TTLL11: variants seen among roughly 807,000 people sequenced by gnomAD.
The protein encoded by TTLL11 is tubulin polyglutamylase TTLL11.
Under a neutral mutation model 51.7 loss-of-function variants are expected in TTLL11, and 42 were observed. The observed-to-expected ratio is 0.81, with a 90% CI of 0.64 to 1.05. The LOEUF is 1.05. Ranked by LOEUF, TTLL11 falls within the 50% of genes least tolerant of loss-of-function variation. The pLI is 0.00. For missense variants in TTLL11, 799 were observed against 940.4 expected, an observed-to-expected ratio of 0.85 and a Z score of 1.97; for synonymous variants, 381 against 383.5, an observed-to-expected ratio of 0.99 and a Z score of 0.08.
intron 6 of TTLL11, among the ~76,000 whole-genome samples, chr9:121,886,308 C>CT (rs1384396690): frequency 6.6e-6 from 1 of 152,182 alleles, no homozygotes; most frequent in South Asian, 2.1e-4. Flanking sequence ...TGAATGTGAC[C>CT]TTTTTTGGAA....
At position 121,817,907 on chromosome 9, in the gene TTLL11, T is replaced by C. The variant is rs1836456842; in HGVS notation, c.*4680A>G. On this transcript the variant is annotated 3_prime_UTR_variant, in exon 9 of 9. Coordinates refer to ENST00000321582, the MANE Select transcript of TTLL11 (RefSeq NM_001139442.2). ...TTGGTGGGTTGGATGGATCTAGAAGTGCTTTGTAAACTGTGAAGGATTGAG... is the reference window on the plus strand; with the variant it reads ...TTGGTGGGTTGGATGGATCTAGAAGCGCTTTGTAAACTGTGAAGGATTGAG... 1 of 152,222 alleles carries C rather than the reference T, an allele frequency of 6.6e-6. No homozygotes were observed. The allele number at this position is 152,222 out of a possible 1,614,324, so 9.4% of individuals were successfully genotyped here.
Position 121,822,690 on chromosome 9 carries a change from G to A in TTLL11, c.2030C>T (p.Pro677Leu), listed in dbSNP as rs1446657767. 1 of 1,548,648 alleles carries A rather than the reference G, an allele frequency of 6.5e-7. No homozygotes were observed. The highest frequency in any genetic ancestry group is 2.4e-5 in the East Asian group (1 of 40,866). ...PSGGRPPHRG[P>L]PQEPSPSAQP... is the part of the protein sequence containing the mutation. The stretch of plus-strand genomic sequence containing the variant: ...GGCCGAGGGGGAGGGCTCCTGGGGA[G>A]GGCCACGGTGTGGGGGCCGGCCCCC... Residue 677 changes from proline to leucine, a missense_variant, in exon 9 of 9, where the codon CCT becomes CTT. By Grantham distance (98) the Pro-to-Leu change is moderately conservative. Transcript: ENST00000321582. This position sits in a 1 kb window ranked among gnomAD's most constrained non-coding sequence, Gnocchi z 5.8.
At chr9:122,074,133 G>A (rs192992767) in intron 1 of TTLL11, among the ~76,000 whole-genome samples, 1 of 152,240 alleles carries the variant, frequency 6.6e-6, no homozygotes, top group Admixed American at 6.5e-5. Context: ...AATTAGCCAG[G>A]TGTGGTGGTG....
At chr9:121,898,315 C>G (rs1272161458) in intron 6 of TTLL11, among the ~76,000 whole-genome samples, 2 of 152,196 alleles carry the variant, frequency 1.3e-5, no homozygotes, top group Admixed American at 6.5e-5. Flanking sequence ...AAAAAGGAGG[C>G]TGGGGAGCCC....
At chr9:122,090,026 A>C (rs1172832539) in intron 1 of TTLL11, among the ~76,000 whole-genome samples, 1 of 151,802 alleles carries the variant, frequency 6.6e-6, no homozygotes, top group Non-Finnish European at 1.5e-5. Flanking sequence ...TGGGAAAAAA[A>C]GGGCAGGGTT....
chr9:121,940,127 A>T (rs1349501072), intron 6 of TTLL11, among the ~76,000 whole-genome samples: 2 of 152,138 alleles, frequency 1.3e-5, no homozygotes, highest in Non-Finnish European at 2.9e-5. Context: ...CAGGTCAAAC[A>T]TTTATCCAGT....
Position 121,974,912 on chromosome 9 carries a change from G to A in TTLL11, c.1337C>T (p.Pro446Leu). The change falls in exon 5 of 9, where the codon CCC (proline) becomes CTC (leucine). Residue 446 changes from proline to leucine, a missense_variant. Physicochemically the swap from Pro to Leu is moderately conservative, Grantham distance 98. This residue lies in a region of TTLL11 where 468 missense variants were observed against 612.8 expected (regional missense o/e 0.76). Coordinates refer to ENST00000321582, the MANE Select transcript of TTLL11 (RefSeq NM_001139442.2). ...KPILLEVNAN[P>L]SMRIEHEHEL... The stretch of plus-strand genomic sequence containing the variant: ...GTGCTCATGTTCGATTCTCATACTG[G>A]GATTTGCATTTACTTCAAGTAGTAT... 1 of 1,543,364 alleles carries A rather than the reference G, an allele frequency of 6.5e-7. No homozygotes were observed. The highest frequency in any genetic ancestry group is 8.7e-7 in the Non-Finnish European group (1 of 1,145,152).
intron 1 of TTLL11, among the ~76,000 whole-genome samples, chr9:122,065,072 C>T (rs997280247): frequency 2.6e-5 from 4 of 152,038 alleles, no homozygotes; most frequent in African/African-American, 9.7e-5. Context: ...AGAAGAATCA[C>T]GTAAAGGGGC....
At position 122,093,122 on chromosome 9, in the gene TTLL11, C is replaced by A; in HGVS notation, c.27G>T (p.Glu9Asp). MRRGSSES[E>D]LAARWEAEAV... ...CCTCCGCCTCCCACCGGGCCGCCAG[C>A]TCGCTCTCGGAGCTGCCCCGCCGCA... The change falls in exon 1 of 9, where the codon GAG becomes GAT. Residue 9 changes from glutamate (E) to aspartate (D), a missense_variant. By Grantham distance (45) the Glu-to-Asp change is conservative (BLOSUM62 2). This residue lies in a region of TTLL11 where 166 missense variants were observed against 161.6 expected (regional missense o/e 1.03). Coordinates refer to ENST00000321582, the MANE Select transcript of TTLL11 (RefSeq NM_001139442.2). 6.7e-7 allele frequency: 1 copy of A among 1,494,690 alleles called. No individual in the cohort carries two copies. The highest frequency in any genetic ancestry group is 8.9e-7 in the Non-Finnish European group (1 of 1,129,300). The allele number at this position is 1,494,690 out of a possible 1,614,324, so 92.6% of individuals were successfully genotyped here.
rs114042318 is a variant in TTLL11 at position 121,997,535 on chromosome 9, G to A, written c.694-7765C>T. ...ACTGCAGCTTCCCTTTACCTCCTCC[G>A]AGTCCACATACTGGGTGTCTGCAAG... On this transcript the variant is annotated intron_variant, in intron 3 of 8. Transcript: ENST00000321582. 3.0e-3 allele frequency among the ~76,000 whole-genome samples: 457 copies of A among 152,238 alleles called. 5 individuals carry two copies. The highest frequency in any genetic ancestry group is 0.011 in the African/African-American group (440 of 41,528).
chr9:122,023,876 C>G (rs2131787246), intron 3 of TTLL11, among the ~76,000 whole-genome samples: 1 of 152,170 alleles, frequency 6.6e-6, no homozygotes, highest in East Asian at 1.9e-4. Context: ...AAGACGAAAT[C>G]CATAACCCCT....
chr9:122,037,796 C>T (rs1015290602), intron 2 of TTLL11, among the ~76,000 whole-genome samples: 1 of 152,138 alleles, frequency 6.6e-6, no homozygotes, highest in Non-Finnish European at 1.5e-5. Flanking sequence ...TCCAGCAAGC[C>T]GTGTTTCCTG....
intron 8 of TTLL11, among the ~76,000 whole-genome samples, chr9:121,849,768 CA>C: frequency 6.6e-6 from 1 of 152,072 alleles, no homozygotes. Flanking sequence ...GGATGTGGGG[CA>C]AAAAGAACTC....
At chr9:121,962,659 A>C (rs1224326232) in intron 6 of TTLL11, among the ~76,000 whole-genome samples, 1 of 152,234 alleles carries the variant, frequency 6.6e-6, no homozygotes, top group Non-Finnish European at 1.5e-5. Context: ...CCTGTTCTCC[A>C]GTCTGGAACA....
intron 8 of TTLL11, among the ~76,000 whole-genome samples, chr9:121,844,542 T>A: frequency 6.6e-6 from 1 of 151,870 alleles, no homozygotes; most frequent in African/African-American, 2.4e-5. Context: ...AGAAACAAAC[T>A]CAAGTATGAC....
At chr9:121,920,308 A>AT (rs1160678256) in intron 6 of TTLL11, among the ~76,000 whole-genome samples, 4 of 151,944 alleles carry the variant, frequency 2.6e-5, no homozygotes, top group Non-Finnish European at 4.4e-5. Context: ...TTTAAAAAAA[A>AT]TTTTTTTTTA....
intron 3 of TTLL11, among the ~76,000 whole-genome samples, chr9:122,002,040 A>G (rs1159478136): frequency 6.6e-6 from 1 of 152,188 alleles, no homozygotes; most frequent in Non-Finnish European, 1.5e-5. Flanking sequence ...GGAGGCTGCT[A>G]CAGAAGCCAC....
rs1219907858 is a variant in TTLL11, at chr9:121,989,200, A to T, written c.1264T>A (p.Phe422Ile). The T allele has an allele frequency of 6.2e-7, 1 of 1,613,596 alleles. No individual in the cohort carries two copies. Among genetic ancestry groups the T allele is most frequent in the Non-Finnish European group, 8.5e-7 (1 of 1,179,578 alleles). Residue 422 changes from phenylalanine (F) to isoleucine (I), a missense_variant, in exon 4 of 9, where the codon TTC (phenylalanine) becomes ATC (isoleucine). By Grantham distance (21) the Phe-to-Ile change is conservative (BLOSUM62 0). Coordinates refer to ENST00000321582, the MANE Select transcript of TTLL11 (RefSeq NM_001139442.2). This position sits in a 1 kb window ranked among gnomAD's most constrained non-coding sequence, Gnocchi z 4.2. The stretch of plus-strand genomic sequence containing the variant: ...TGGGAACTGGCAATGGTTACCTGGA[A>T]GCACGTGGGGCCCGGCCTCCCCGTG... ...IPTGRPGPTCFQILGFDILLM... is the reference protein window; with the variant it reads ...IPTGRPGPTCIQILGFDILLM...
At chr9:122,041,010 T>C (rs946371932) in intron 1 of TTLL11, among the ~76,000 whole-genome samples, 1 of 152,228 alleles carries the variant, frequency 6.6e-6, no homozygotes, top group African/African-American at 2.4e-5. Context: ...TTTGCTTTGT[T>C]GCCCACAATG....
Sources: gnomAD v4.1 joint callset for allele counts (sites outside exome capture counted in the v4.1 genomes callset) on GRCh38, gnomAD v4.1.1 for gene constraint, gnomAD v4.1.1 regional missense constraint, Gnocchi (gnomAD v3.1) non-coding constraint, MANE v1.5 for transcripts, NCBI Gene and HGNC (gene_info 2026-07-23, HGNC 2026-07-21) for gene names.